CFAP54: variants seen among roughly 807,000 people sequenced by gnomAD.
CFAP54 encodes cilia- and flagella-associated protein 54.
CFAP54 carries 290 observed loss-of-function variants against 370.4 expected under a neutral mutation model. The observed-to-expected ratio is 0.78, with a 90% CI of 0.71 to 0.86. The LOEUF is 0.86. Among genes scored for constraint, CFAP54 ranks in the 40% least tolerant of loss-of-function variants. The probability of loss-of-function intolerance (pLI) is 0.00; values close to 1 mark genes in which losing one functional copy is unlikely to be tolerated. For missense variants in CFAP54, 3,399 were observed against 3,528.7 expected, an observed-to-expected ratio of 0.96 and a Z score of 0.93; for synonymous variants, 1,206 against 1,236.5, an observed-to-expected ratio of 0.98 and a Z score of 0.52.
intron 59 of CFAP54, 91 bp from the exon 60 acceptor site, chr12:96,764,986 T>C (rs1265293423): frequency 1.0e-6 from 1 of 987,214 alleles, no homozygotes; most frequent in African/African-American, 2.0e-5. Context: ...TATTATTTTA[T>C]GAATTCACTT....
chr12:96,766,868 G>A lies in CFAP54; in HGVS notation c.8281+1650G>A, dbSNP rs557666045. Reference sequence around the variant, plus strand: ...CCAAGATGGACCCTAAAACTCAGTGGCCTACAACAACAGGAACTCATTCTT... The same window carrying A: ...CCAAGATGGACCCTAAAACTCAGTGACCTACAACAACAGGAACTCATTCTT... On this transcript the variant is annotated intron_variant, in intron 60 of 67. Coordinates refer to ENST00000524981, the MANE Select transcript of CFAP54 (RefSeq NM_001306084.2). Among the ~76,000 whole-genome samples the A allele has an allele frequency of 1.4e-4, 22 of 152,256 alleles. No individual in the cohort carries two copies. The South Asian group carries it at 4.4e-3, about 30-fold the overall frequency.
At chr12:96,593,169 C>T (rs1317522178) in intron 24 of CFAP54, among the ~76,000 whole-genome samples, 1 of 152,126 alleles carries the variant, frequency 6.6e-6, no homozygotes, top group Non-Finnish European at 1.5e-5. Flanking sequence ...TGTAACCTAT[C>T]TCCTATTGAT....
At chr12:96,863,894 G>A (rs928245650) in intron 67 of CFAP54, among the ~76,000 whole-genome samples, 3 of 151,818 alleles carry the variant, frequency 2.0e-5, no homozygotes, top group Non-Finnish European at 4.4e-5. Flanking sequence ...GTCTAAAACT[G>A]CACCAGACCA....
intron 36 of CFAP54, among the ~76,000 whole-genome samples, chr12:96,655,190 GT>G (rs149611504): frequency 8.1e-5 from 12 of 148,250 alleles, no homozygotes; most frequent in African/African-American, 2.0e-4. Context: ...CATATATATG[GT>G]TTTTTTTTTC....
chr12:96,780,099 T>G (rs148745814), intron 60 of CFAP54, among the ~76,000 whole-genome samples: 2,141 of 152,298 alleles, frequency 0.014, 20 homozygotes, highest in Non-Finnish European at 0.023. Flanking sequence ...CTTTGGTAGA[T>G]TATTTGTATT....
Position 96,811,681 on chromosome 12 carries a change from G to T in CFAP54, c.8851-55G>T, listed in dbSNP as rs1213206243. 12 of 904,418 alleles carry T rather than the reference G, an allele frequency of 1.3e-5. No individual in the cohort carries two copies. The Admixed American group carries it at 2.5e-4, about 19-fold the overall frequency. The allele number at this position is 904,418 out of a possible 1,614,324, so 56.0% of individuals were successfully genotyped here. A position where few individuals can be genotyped will look rare whatever the true frequency, so the allele number is the denominator to read the frequency against. ...TTTGTGAACTAATGCTGTAGTTTTT[G>T]AGCTAAACTCTAATTTTGATGTCAC... is the stretch of plus-strand genomic sequence containing the variant. On this transcript the variant is annotated intron_variant, in intron 63 of 67. Coordinates refer to ENST00000524981, the MANE Select transcript of CFAP54 (RefSeq NM_001306084.2).
At chr12:96,716,485 T>C (rs536050770) in intron 48 of CFAP54, among the ~76,000 whole-genome samples, 1 of 152,384 alleles carries the variant, frequency 6.6e-6, no homozygotes, top group South Asian at 2.1e-4. Flanking sequence ...TGCTTGCTCC[T>C]AGCAGTTCTG....
chr12:96,742,776 C>T (rs1405047811), intron 52 of CFAP54, among the ~76,000 whole-genome samples, 190 bp downstream of exon 52: 1 of 152,116 alleles, frequency 6.6e-6, no homozygotes, highest in Non-Finnish European at 1.5e-5. Flanking sequence ...TTGAAAGTGG[C>T]TTATATCTTA....
Position 96,623,922 on chromosome 12 carries a change from T to C in CFAP54, c.3886+41T>C, listed in dbSNP as rs1182611884. 12 of 1,297,532 alleles carry C rather than the reference T, an allele frequency of 9.2e-6. No homozygotes were observed. The Admixed American group carries it at 2.6e-4, about 28-fold the overall frequency. 80.4% of individuals were successfully genotyped at this position (1,297,532 alleles called of 1,614,324 possible). On this transcript the variant is annotated intron_variant, in intron 28 of 67. Coordinates refer to ENST00000524981, the MANE Select transcript of CFAP54 (RefSeq NM_001306084.2). ...CTGTATACTTCCATTTAGCATTAAG[T>C]TTTTTAAAACGAGAAACTATTTTGT...
chr12:96,527,303 G>A lies in CFAP54; in HGVS notation c.1216G>A (p.Ala406Thr). 2 of 1,535,432 alleles carry A rather than the reference G, an allele frequency of 1.3e-6. No homozygotes were observed. The highest frequency in any genetic ancestry group is 1.7e-6 in the Non-Finnish European group (2 of 1,146,528). Residue 406 changes from alanine (A) to threonine (T), a missense_variant, in exon 9 of 68, where the codon GCA becomes ACA. By Grantham distance (58) the Ala-to-Thr change is moderately conservative. Around this residue, in one of 3 missense-constraint regions of CFAP54, gnomAD observed 559 missense variants for 576.7 expected, o/e 0.97. Transcript: ENST00000524981. The part of the protein sequence containing the change: ...RLLDEMFDST[A>T]SQFLAVLEAL... ...ACTGGATGAGATGTTTGATAGCACT[G>A]CATCCCAGTTTCTGGCTGTCTTGGA... is the stretch of plus-strand genomic sequence containing the variant.
In CFAP54 at chr12:96,720,443, C is replaced by G; in HGVS notation, c.6843C>G (p.Phe2281Leu). The change falls in exon 50 of 68, where the codon TTC becomes TTG. Residue 2281 changes from phenylalanine to leucine, a missense_variant. Around this residue, in one of 3 missense-constraint regions of CFAP54, gnomAD observed 2,796 missense variants for 2,869.7 expected, o/e 0.97. Transcript: ENST00000524981. Reference protein sequence around the residue: ...LLMEAEDRLNFLLSEVEQKTL... With the variant: ...LLMEAEDRLNLLLSEVEQKTL... ...TGGAAGCTGAGGACAGGCTAAACTT[C>G]CTTCTGTCCGAGGTGGAACAGAAGA... 1 of 1,588,920 alleles carries G rather than the reference C, an allele frequency of 6.3e-7. No homozygotes were observed.
At chr12:96,750,857 T>C (rs1199650149) in intron 55 of CFAP54, among the ~76,000 whole-genome samples, 1 of 152,226 alleles carries the variant, frequency 6.6e-6, no homozygotes, top group Non-Finnish European at 1.5e-5. Flanking sequence ...AGCTTTTCTG[T>C]CAAAACAACA....
rs1182527981 is a variant in CFAP54, at chr12:96,569,814, TC to T, written c.2619+5051del. Among the ~76,000 whole-genome samples, 3 of 152,312 alleles carry T rather than the reference TC, an allele frequency of 2.0e-5. No homozygotes were observed. The East Asian group carries it at 5.8e-4, about 29-fold the overall frequency. ...TCTAATAACCTCTGGCTTTAATACT[TC>T]CTGAATTTATTTCTTGATATCCCCT... is the stretch of plus-strand genomic sequence containing the variant. On this transcript the variant is annotated intron_variant, in intron 19 of 67. Transcript: ENST00000524981.
chr12:96,523,534 A>G (rs947279967), intron 8 of CFAP54, among the ~76,000 whole-genome samples: 15 of 152,192 alleles, frequency 9.9e-5, no homozygotes, highest in African/African-American at 3.6e-4. Flanking sequence ...GGTACATTTT[A>G]TACATCCCTT....
At chr12:96,711,123 C>G (rs891781892) in intron 48 of CFAP54, among the ~76,000 whole-genome samples, 9 of 152,246 alleles carry the variant, frequency 5.9e-5, no homozygotes, top group African/African-American at 2.2e-4. Context: ...TTTCTTGACT[C>G]AGTTTTGGTA....
intron 63 of CFAP54, among the ~76,000 whole-genome samples, chr12:96,794,065 C>T (rs1259595740): frequency 6.6e-6 from 1 of 152,134 alleles, no homozygotes; most frequent in African/African-American, 2.4e-5. Context: ...AGATAAGACC[C>T]AGATCTTTTC....
In CFAP54 at chr12:96,817,793, G is replaced by T. The variant is rs1057391279; in HGVS notation, c.8976G>T (p.Glu2992Asp). 50 of 1,478,688 alleles carry T rather than the reference G, an allele frequency of 3.4e-5. No individual in the cohort carries two copies. Among genetic ancestry groups the T allele is most frequent in the Non-Finnish European group, 4.0e-5 (45 of 1,117,654 alleles). The allele number at this position is 1,478,688 out of a possible 1,614,324, so 91.6% of individuals were successfully genotyped here. The change falls in exon 65 of 68, where the codon GAG becomes GAT. Residue 2992 changes from glutamate to aspartate, a missense_variant. This residue lies in a region of CFAP54 where 2,796 missense variants were observed against 2,869.7 expected (regional missense o/e 0.97). Transcript: ENST00000524981. Reference sequence around the variant, plus strand: ...TTTTCAGGGTTATTGCAATTCATGAGAAATTATCTAATCTTGCTCAAATAG... The same window carrying T: ...TTTTCAGGGTTATTGCAATTCATGATAAATTATCTAATCTTGCTCAAATAG... ...IPLNRVIAIH[E>D]KLSNLAQIAE...
In CFAP54 at chr12:96,693,795, C is replaced by G. The variant is rs750598970; in HGVS notation, c.6338C>G (p.Ala2113Gly). 2.5e-6 allele frequency: 4 copies of G among 1,569,252 alleles called. No homozygotes were observed. Among genetic ancestry groups the G allele is most frequent in the East Asian group, 2.2e-5 (1 of 44,448 alleles). Reference protein sequence around the residue: ...ICQDITRNLEARILKIEVLID... With the variant: ...ICQDITRNLEGRILKIEVLID... The stretch of plus-strand genomic sequence containing the variant: ...CAAGACATAACAAGAAATCTAGAAG[C>G]AAGAATCCTCAAGGTATGTTACAAG... The change falls in exon 45 of 68, where the codon GCA (alanine) becomes GGA (glycine). Residue 2113 changes from alanine (A) to glycine (G), a missense_variant. Physicochemically the swap from Ala to Gly is moderately conservative, Grantham distance 60. Transcript: ENST00000524981.
intron 2 of CFAP54, among the ~76,000 whole-genome samples, chr12:96,501,460 G>A (rs1955026144): frequency 6.6e-6 from 1 of 152,180 alleles, no homozygotes; most frequent in Non-Finnish European, 1.5e-5. Context: ...GCTCAGTATT[G>A]TATTCCAGAA....
Sources: gnomAD v4.1 joint callset for allele counts (sites outside exome capture counted in the v4.1 genomes callset) on GRCh38, gnomAD v4.1.1 for gene constraint, gnomAD v4.1.1 regional missense constraint, MANE v1.5 for transcripts, NCBI Gene and HGNC (gene_info 2026-07-23, HGNC 2026-07-21) for gene names.